AP4S1: variants seen among roughly 807,000 people sequenced by gnomAD.
The protein encoded by AP4S1 is adaptor related protein complex 4 subunit sigma 1, also known as AP-4 complex subunit sigma-1.
Under a neutral mutation model 19.8 loss-of-function variants are expected in AP4S1, and 23 were observed. The ratio of observed to expected loss-of-function variants is 1.16; its 90% CI spans 0.84 to 1.65. The LOEUF is 1.65. Ranked by LOEUF, AP4S1 falls within the 40% of genes most tolerant of loss-of-function variation. AP4S1 has a pLI of 0.00. For missense variants in AP4S1, 166 were observed against 172.8 expected (o/e 0.96, Z 0.22); for synonymous variants, 46 against 54.1 (o/e 0.85, Z 0.66).
chr14:31,040,135 A>T (rs1320473074), intron 1 of AP4S1, among the ~76,000 whole-genome samples: 4 of 149,170 alleles, frequency 2.7e-5, no homozygotes, highest in Non-Finnish European at 5.9e-5. Flanking sequence ...TGTAAAGTCA[A>T]ATTACTCTGC....
intron 4 of AP4S1, 83 bp from the exon 5 acceptor site, chr14:31,080,490 A>G: frequency 8.5e-7 from 1 of 1,179,914 alleles, no homozygotes; most frequent in Non-Finnish European, 1.3e-6. Context: ...ATGGACGCAG[A>G]AGCCTCTTCA....
At chr14:31,032,220 A>G (rs996629478) in intron 1 of AP4S1, among the ~76,000 whole-genome samples, 26 of 152,286 alleles carry the variant, frequency 1.7e-4, no homozygotes, top group Non-Finnish European at 3.4e-4. Context: ...CATCTCTACT[A>G]AAAACACAAA....
chr14:31,045,502 C>T (rs1040342065), intron 1 of AP4S1, among the ~76,000 whole-genome samples: 2 of 152,112 alleles, frequency 1.3e-5, no homozygotes. Flanking sequence ...CGTCCTGCTG[C>T]CTTGTGAAGA....
intron 5 of AP4S1, chr14:31,084,852 A>G (rs749920998): frequency 1.2e-6 from 2 of 1,614,232 alleles, no homozygotes; most frequent in Non-Finnish European, 8.5e-7. Context: ...CATCATTCAA[A>G]GGAGCTGCCT....
At chr14:31,043,879 C>A (rs1885248229) in intron 1 of AP4S1, among the ~76,000 whole-genome samples, 1 of 152,158 alleles carries the variant, frequency 6.6e-6, no homozygotes, top group Admixed American at 6.6e-5. Flanking sequence ...AAGAATCTCG[C>A]AGTTGCCATT....
chr14:31,088,739 C>T (rs1202160934), intron 5 of AP4S1, among the ~76,000 whole-genome samples: 3 of 134,820 alleles, frequency 2.2e-5, no homozygotes, highest in Admixed American at 8.5e-5. Flanking sequence ...ACCTGGGAGG[C>T]GGAGGTTACA....
chr14:31,071,841 G>T (rs996606383), intron 3 of AP4S1, among the ~76,000 whole-genome samples: 3 of 151,730 alleles, frequency 2.0e-5, no homozygotes, highest in Non-Finnish European at 4.4e-5. Context: ...TCACAATCCC[G>T]AGTACCTAAG....
At chr14:31,030,154 AT>A (rs1884304574) in intron 1 of AP4S1, among the ~76,000 whole-genome samples, 1 of 151,698 alleles carries the variant, frequency 6.6e-6, no homozygotes, top group Non-Finnish European at 1.5e-5. Flanking sequence ...CCCAGCAAAT[AT>A]TTTTGTATTT....
intron 1 of AP4S1, among the ~76,000 whole-genome samples, chr14:31,055,009 C>G (rs970054447): frequency 8.6e-5 from 13 of 150,716 alleles, no homozygotes; most frequent in Non-Finnish European, 2.9e-5. Context: ...ATAATAACAT[C>G]AGACAAATCC....
At chr14:31,025,918 G>T in intron 1 of AP4S1, 131 bp downstream of exon 1, 1 of 1,601,150 alleles carries the variant, frequency 6.2e-7, no homozygotes, top group South Asian at 1.1e-5. Context: ...AGTTCGGCCC[G>T]TTCCACCTCC....
intron 5 of AP4S1, among the ~76,000 whole-genome samples, chr14:31,088,487 G>A (rs11851696): frequency 0.022 from 3,414 of 152,110 alleles, 119 homozygotes; most frequent in African/African-American, 0.078. Flanking sequence ...CAGAATATGA[G>A]TAGGCCTTTA....
At chr14:31,043,164 T>G (rs1456160737) in intron 1 of AP4S1, among the ~76,000 whole-genome samples, 1 of 151,010 alleles carries the variant, frequency 6.6e-6, no homozygotes, top group Non-Finnish European at 1.5e-5. Context: ...GAAGTTGCAG[T>G]GAGCCGAGAT....
intron 1 of AP4S1, among the ~76,000 whole-genome samples, chr14:31,060,959 G>T (rs1272470441): frequency 6.6e-6 from 1 of 151,720 alleles, no homozygotes; most frequent in African/African-American, 2.4e-5. Flanking sequence ...GCACGATCTC[G>T]GTGCACTTCA....
intron 1 of AP4S1, among the ~76,000 whole-genome samples, chr14:31,047,960 A>G (rs1885518609): frequency 2.0e-5 from 3 of 152,032 alleles, no homozygotes; most frequent in South Asian, 4.2e-4. Context: ...TACTGGTGTT[A>G]GCTACCACGC....
At chr14:31,083,955 C>G (rs1330396118) in intron 5 of AP4S1, among the ~76,000 whole-genome samples, 1 of 152,188 alleles carries the variant, frequency 6.6e-6, no homozygotes, top group Admixed American at 6.5e-5. Flanking sequence ...GCTGCAGTTC[C>G]TGCTCCATCT....
At chr14:31,032,332 C>G (rs1884446292) in intron 1 of AP4S1, among the ~76,000 whole-genome samples, 2 of 152,056 alleles carry the variant, frequency 1.3e-5, no homozygotes, top group South Asian at 4.1e-4. Context: ...CAGAGAGGAA[C>G]TTTTCGTATT....
chr14:31,048,599 C>T (rs980491554), intron 1 of AP4S1, among the ~76,000 whole-genome samples: 40 of 152,020 alleles, frequency 2.6e-4, no homozygotes, highest in African/African-American at 9.2e-4. Context: ...ATTAGCTGGG[C>T]GTGGTGGCAC....
At chr14:31,083,710 C>T in intron 5 of AP4S1, 1 of 366,712 alleles carries the variant, frequency 2.7e-6, no homozygotes, top group Admixed American at 3.3e-5. Context: ...GGGTCTCACT[C>T]TGTTGCACAG....
chr14:31,049,086 A>C (rs1219722769), intron 1 of AP4S1, among the ~76,000 whole-genome samples: 3 of 149,572 alleles, frequency 2.0e-5, no homozygotes, highest in Non-Finnish European at 4.5e-5. Context: ...CCATCTCTAC[A>C]AAAAAAAACA....
Sources: allele counts gnomAD v4.1 joint callset (sites outside exome capture counted in the v4.1 genomes callset), GRCh38; gene constraint gnomAD v4.1.1; transcripts MANE v1.5; gene names NCBI Gene and HGNC (gene_info 2026-07-23, HGNC 2026-07-21).